The following NCOA1 variants were observed in gnomAD, a reference collection of about 807,000 sequenced individuals.
NCOA1 encodes the protein Hin-2 protein.
NCOA1 carries 35 observed loss-of-function variants against 150.9 expected under a neutral mutation model. The ratio of observed to expected loss-of-function variants is 0.23; its 90% confidence interval spans 0.18 to 0.31. The LOEUF is 0.31. Ranked by LOEUF, NCOA1 falls within the 10% of genes least tolerant of loss-of-function variation. The pLI, the probability that NCOA1 is intolerant of heterozygous loss-of-function variation, is 1.00. For missense variants in NCOA1, 1,491 were observed against 1,749.3 expected (o/e 0.85, Z 2.63); for synonymous variants, 590 against 630.0 (o/e 0.94, Z 0.95).
At chr2:24,725,714 C>CATGTGTGT (rs1260070942) in intron 14 of NCOA1, among the ~76,000 whole-genome samples, 37 of 148,870 alleles carry the variant, frequency 2.5e-4, no homozygotes, top group African/African-American at 9.3e-4. Context: ...CTAAAGTGTG[C>CATGTGTGT]GTGTGTGTGT....
intron 12 of NCOA1, among the ~76,000 whole-genome samples, chr2:24,705,943 G>T (rs914379307): frequency 2.0e-5 from 3 of 151,942 alleles, no homozygotes; most frequent in African/African-American, 7.3e-5. Context: ...CAGTATTGTG[G>T]TTTTTTTCTA....
chr2:24,563,608 C>T (rs988529823), intron 1 of NCOA1, among the ~76,000 whole-genome samples: 2 of 151,974 alleles, frequency 1.3e-5, no homozygotes, highest in African/African-American at 4.8e-5. Context: ...GTCTCAACCT[C>T]TTGGGCTCAA....
chr2:24,682,908 T>C (rs767567582), intron 7 of NCOA1, 43 bp from the exon 8 acceptor site: 2 of 1,515,972 alleles, frequency 1.3e-6, no homozygotes, highest in Non-Finnish European at 1.8e-6. Context: ...ATTTTTCTTT[T>C]ATCTTTCAAC....
chr2:24,679,017 A>C (rs555848019), intron 7 of NCOA1, among the ~76,000 whole-genome samples: 2 of 152,178 alleles, frequency 1.3e-5, no homozygotes, highest in African/African-American at 4.8e-5. Context: ...GTTTTGGGTG[A>C]TGTCTTTTAT....
intron 1 of NCOA1, among the ~76,000 whole-genome samples, chr2:24,510,083 CTT>C (rs972697516): frequency 5.3e-5 from 8 of 152,282 alleles, no homozygotes; most frequent in African/African-American, 1.9e-4. Context: ...GAGTTTCACT[CTT>C]GTCACCCAGG....
At chr2:24,722,022 A>G (rs1674380431) in intron 14 of NCOA1, among the ~76,000 whole-genome samples, 2 of 152,194 alleles carry the variant, frequency 1.3e-5, no homozygotes, top group South Asian at 4.1e-4. Context: ...AAAATAAAAT[A>G]TAAGTGATAT....
intron 1 of NCOA1, among the ~76,000 whole-genome samples, chr2:24,523,402 C>T (rs1664503238): frequency 6.6e-6 from 1 of 151,010 alleles, no homozygotes; most frequent in Admixed American, 6.6e-5. Flanking sequence ...GTCAGGAGAT[C>T]GAGACCATCC....
intron 3 of NCOA1, among the ~76,000 whole-genome samples, chr2:24,598,179 A>G (rs1667959715): frequency 6.6e-6 from 1 of 152,182 alleles, no homozygotes; most frequent in African/African-American, 2.4e-5. Flanking sequence ...CCAGACAGCT[A>G]AGCTGGTGTT....
intron 3 of NCOA1, among the ~76,000 whole-genome samples, chr2:24,630,027 A>T (rs1669633616): frequency 6.6e-6 from 1 of 151,590 alleles, no homozygotes; most frequent in Non-Finnish European, 1.5e-5. Flanking sequence ...TTGTATTTTT[A>T]GTAGAAACGG....
In NCOA1 at chr2:24,523,005, G is replaced by A. The variant is rs538425532; in HGVS notation, c.-396+31403G>A. 3.9e-5 allele frequency among the ~76,000 whole-genome samples: 6 copies of A among 152,168 alleles called. No homozygotes were observed. In the South Asian group the frequency reaches 1.2e-3, roughly 32 times the overall value. On this transcript the variant is annotated intron_variant, in intron 1 of 22. Coordinates refer to ENST00000348332, the MANE Select transcript of NCOA1 (RefSeq NM_003743.5). The stretch of plus-strand genomic sequence containing the variant: ...CTTTTTGAGTGCTTATCTTATATCA[G>A]GCATTATTCTAAATATTTTACTTGT...
At chr2:24,532,189 G>A (rs1023593020) in intron 1 of NCOA1, among the ~76,000 whole-genome samples, 2 of 152,122 alleles carry the variant, frequency 1.3e-5, no homozygotes, top group Non-Finnish European at 2.9e-5. Flanking sequence ...GTTTTGATTT[G>A]CATTTCTCTG....
intron 3 of NCOA1, among the ~76,000 whole-genome samples, chr2:24,643,667 T>C (rs548504942): frequency 6.6e-6 from 1 of 152,180 alleles, no homozygotes; most frequent in South Asian, 2.1e-4. Context: ...AATATACAAA[T>C]GCAGCCAGAA....
chr2:24,492,313 G>A (rs1663007735), intron 1 of NCOA1: 2 of 152,438 alleles, frequency 1.3e-5, no homozygotes, highest in African/African-American at 4.8e-5. Flanking sequence ...GGGAGGTGGG[G>A]TTGGTTAGTG....
At chr2:24,672,618 A>G (rs980658900) in intron 6 of NCOA1, among the ~76,000 whole-genome samples, 2 of 152,054 alleles carry the variant, frequency 1.3e-5, no homozygotes, top group Admixed American at 6.6e-5. Flanking sequence ...GCTGTTCTCA[A>G]ACTCCTGGCC....
chr2:24,557,762 A>G (rs1256086811), intron 1 of NCOA1, among the ~76,000 whole-genome samples: 1 of 152,012 alleles, frequency 6.6e-6, no homozygotes, highest in East Asian at 1.9e-4. Flanking sequence ...TTTTCTTTCA[A>G]TCCTTGAAAG....
intron 13 of NCOA1, among the ~76,000 whole-genome samples, chr2:24,710,031 A>G (rs1673655808): frequency 6.6e-6 from 1 of 152,186 alleles, no homozygotes; most frequent in South Asian, 2.1e-4. Flanking sequence ...TCTTCTCTAC[A>G]TAACCTAAGA....
At chr2:24,595,431 T>TA (rs1667846866) in intron 3 of NCOA1, among the ~76,000 whole-genome samples, 1 of 152,148 alleles carries the variant, frequency 6.6e-6, no homozygotes, top group African/African-American at 2.4e-5. Context: ...TGAGATGAAA[T>TA]ATCTGTAGCT....
chr2:24,534,411 A>ATT (rs200366201), intron 1 of NCOA1, among the ~76,000 whole-genome samples: 31,431 of 145,320 alleles, frequency 0.22, 3,482 homozygotes, highest in East Asian at 0.31. Flanking sequence ...GGATTCATTG[A>ATT]TTTTTTTTTT....
intron 3 of NCOA1, among the ~76,000 whole-genome samples, chr2:24,594,084 C>G (rs955668564): frequency 3.9e-5 from 6 of 151,920 alleles, no homozygotes; most frequent in Non-Finnish European, 5.9e-5. Context: ...AGGAAATGTA[C>G]AATTATTCAA....
Sources: allele counts gnomAD v4.1 joint callset (sites outside exome capture counted in the v4.1 genomes callset), GRCh38; gene constraint gnomAD v4.1.1; transcripts MANE v1.5; gene names NCBI Gene and HGNC (gene_info 2026-07-23, HGNC 2026-07-21).